The following TP53INP2 variants were observed in gnomAD, a reference collection of about 807,000 sequenced individuals.
TP53INP2 encodes the protein tumor protein p53-inducible nuclear protein 2.
A neutral mutation model predicts 17.1 loss-of-function variants in TP53INP2; 12 were observed. That is an observed-to-expected ratio of 0.70 (90% CI 0.45 to 1.14). The LOEUF (loss-of-function observed/expected upper bound fraction) is 1.14. Among genes scored for constraint, TP53INP2 ranks in the 50% most tolerant of loss-of-function variants. TP53INP2 has a pLI of 0.00. For synonymous variants in TP53INP2, 145 were observed against 147.3 expected, an observed-to-expected ratio of 0.98 and a Z score of 0.12; for missense variants, 342 against 330.9, an observed-to-expected ratio of 1.03 and a Z score of -0.26.
chr20:34,708,709 GGCGCCCCCGTGAGGCGCTTC>G lies in TP53INP2; in HGVS notation c.-28_-9del. ...TTCCCAGGTTTTTGCACTGCCATAG[GGCGCCCCCGTGAGGCGCTTC>G]GCCCCCCACCATGTTCCAGCGCCTC... On this transcript the variant is annotated 5_prime_UTR_variant, in exon 3 of 5. Transcript: ENST00000374810. 1 of 1,554,104 alleles carries G rather than the reference GGCGCCCCCGTGAGGCGCTTC, an allele frequency of 6.4e-7. No homozygotes were observed. Among genetic ancestry groups the G allele is most frequent in the East Asian group, 2.4e-5 (1 of 42,066 alleles).
At position 34,709,508 on chromosome 20, in the gene TP53INP2, G is replaced by T. The variant is rs371384676; in HGVS notation, c.397G>T (p.Gly133Cys). The T allele has an allele frequency of 1.2e-6, 2 of 1,608,454 alleles. No homozygotes were observed. The highest frequency in any genetic ancestry group is 1.7e-6 in the Non-Finnish European group (2 of 1,179,632). Residue 133 changes from glycine to cysteine, a missense_variant, in exon 4 of 5, where the codon GGC becomes TGC. Transcript: ENST00000374810. This position sits in a 1 kb window ranked among gnomAD's most constrained non-coding sequence, Gnocchi z 5.4. The part of the protein sequence containing the change: ...SPLPDAALPD[G>C]DLSEGELTPA... ...GCTCCCGGACGCGGCCCTGCCTGAC[G>T]GCGACCTCAGCGAAGGGTGAGCGGG...
At position 34,710,554 on chromosome 20, in the gene TP53INP2, GC is replaced by G; in HGVS notation, c.*251del. 2 of 368,836 alleles carry G rather than the reference GC, an allele frequency of 5.4e-6. No homozygotes were observed. Among genetic ancestry groups the G allele is most frequent in the Non-Finnish European group, 9.5e-6 (2 of 210,788 alleles). The allele number at this position is 368,836 out of a possible 1,614,324, so 22.8% of individuals were successfully genotyped here. ...TAATCATCCATGCCCCCTACTCCTG[GC>G]CCCTCCATCCTTTCTTCTCTGGTCC... On this transcript the variant is annotated 3_prime_UTR_variant, in exon 5 of 5. Coordinates refer to ENST00000374810, the MANE Select transcript of TP53INP2 (RefSeq NM_021202.3). This position sits in a 1 kb window ranked among gnomAD's most constrained non-coding sequence, Gnocchi z 4.9.
Position 34,710,007 on chromosome 20 carries a change from A to AC in TP53INP2, c.414-45dup, listed in dbSNP as rs541427922. On this transcript the variant is annotated intron_variant, in intron 4 of 4. Coordinates refer to ENST00000374810, the MANE Select transcript of TP53INP2 (RefSeq NM_021202.3). This position sits in a 1 kb window ranked among gnomAD's most constrained non-coding sequence, Gnocchi z 4.9. ...GGTGGGAGATGGCAGCGCCCTCTAG[A>AC]CCCCCCGCCCAGCTTACCCGGCTTG... 3.1e-4 allele frequency: 395 copies of AC among 1,257,148 alleles called. 3 individuals carry two copies. The African/African-American group carries it at 5.3e-3, about 17-fold the overall frequency. The allele number at this position is 1,257,148 out of a possible 1,614,324, so 77.9% of individuals were successfully genotyped here.
In TP53INP2 at chr20:34,710,032, G is replaced by C; in HGVS notation, c.414-26G>C. Reference sequence around the variant, plus strand: ...ACCCCCCGCCCAGCTTACCCGGCTTGACCGAGCCTGGCTCTGTCCTCACAG... The same window carrying C: ...ACCCCCCGCCCAGCTTACCCGGCTTCACCGAGCCTGGCTCTGTCCTCACAG... On this transcript the variant is annotated intron_variant, in intron 4 of 4. Coordinates refer to ENST00000374810, the MANE Select transcript of TP53INP2 (RefSeq NM_021202.3). This position sits in a 1 kb window ranked among gnomAD's most constrained non-coding sequence, Gnocchi z 4.9. 7.8e-7 allele frequency: 1 copy of C among 1,278,074 alleles called. No homozygotes were observed. The highest frequency in any genetic ancestry group is 9.9e-7 in the Non-Finnish European group (1 of 1,009,418). The allele number at this position is 1,278,074 out of a possible 1,614,324, so 79.2% of individuals were successfully genotyped here.
Position 34,711,819 on chromosome 20 carries a change from T to A in TP53INP2, c.*1512T>A, listed in dbSNP as rs1442427103. The A allele has an allele frequency of 6.6e-6, 1 of 152,660 alleles. No individual in the cohort carries two copies. The highest frequency in any genetic ancestry group is 1.5e-5 in the Non-Finnish European group (1 of 68,074). The allele number at this position is 152,660 out of a possible 1,614,324, so 9.5% of individuals were successfully genotyped here. A position where few individuals can be genotyped will look rare whatever the true frequency, so the allele number is the denominator to read the frequency against. On this transcript the variant is annotated 3_prime_UTR_variant, in exon 5 of 5. Transcript: ENST00000374810. The surrounding 1 kb of genome is among the most constrained non-coding windows in gnomAD (Gnocchi z 4.1). ...CCTCTTTCTAGCCGTCCTTTTCTAG[T>A]GTGTGCTCACTCTTCCTAGGAACTT... is the stretch of plus-strand genomic sequence containing the variant.
Position 34,708,561 on chromosome 20 carries a change from C to T in TP53INP2, c.-49-130C>T, listed in dbSNP as rs186494823. On this transcript the variant is annotated intron_variant, in intron 2 of 4. Transcript: ENST00000374810. ...ATGCAGAAAGCACATCTTCCCAAAG[C>T]GTCCGCACACATCCCCGTTGTGTGT... 7.7e-4 allele frequency: 417 copies of T among 541,376 alleles called. 3 individuals carry two copies. The highest frequency in any genetic ancestry group is 7.5e-3 in the African/African-American group (386 of 51,296). The allele number at this position is 541,376 out of a possible 1,614,324, so 33.5% of individuals were successfully genotyped here.
Position 34,710,096 on chromosome 20 carries a change from GC to G in TP53INP2, c.454del (p.His152ThrfsTer33). On this transcript the variant is annotated frameshift_variant, in exon 5 of 5. Transcript: ENST00000374810. LOFTEE classifies it high-confidence loss of function. This position sits in a 1 kb window ranked among gnomAD's most constrained non-coding sequence, Gnocchi z 4.9. The stretch of plus-strand genomic sequence containing the variant: ...GCCCGCCGCGAGCCGCGGGCCGCGC[GC>G]CACGCCGCTCCTCTCCCAGCGCGGG... ...TPARREPRAA[R>X]HAAPLPARAA... The G allele has an allele frequency of 7.8e-7, 1 of 1,275,742 alleles. No individual in the cohort carries two copies. The highest frequency in any genetic ancestry group is 9.9e-7 in the Non-Finnish European group (1 of 1,014,788). 79.0% of individuals were successfully genotyped at this position (1,275,742 alleles called of 1,614,324 possible).
At position 34,710,283 on chromosome 20, in the gene TP53INP2, G is replaced by A; in HGVS notation, c.639G>A (p.Pro213=). 3 of 1,422,036 alleles carry A rather than the reference G, an allele frequency of 2.1e-6. No individual in the cohort carries two copies. Among genetic ancestry groups the A allele is most frequent in the South Asian group, 1.6e-5 (1 of 64,386 alleles). 88.1% of individuals were successfully genotyped at this position (1,422,036 alleles called of 1,614,324 possible). A position where few individuals can be genotyped will look rare whatever the true frequency, so the allele number is the denominator to read the frequency against. ...ACCAGAGCAGCTTCATCTACCAGCC[G>A]TGCCAGCGCCAGTTCAACTACTGAG... is the stretch of plus-strand genomic sequence containing the variant. ...SKNQSSFIYQ[P]CQRQFNY is the part of the protein sequence containing the mutation. The change falls in exon 5 of 5, where the codon CCG becomes CCA. Residue 213 remains proline (P), a synonymous_variant. Coordinates refer to ENST00000374810, the MANE Select transcript of TP53INP2 (RefSeq NM_021202.3). The surrounding 1 kb of genome is among the most constrained non-coding windows in gnomAD (Gnocchi z 4.9).
At position 34,710,324 on chromosome 20, in the gene TP53INP2, CCA is replaced by C; in HGVS notation, c.*19_*20del. On this transcript the variant is annotated 3_prime_UTR_variant, in exon 5 of 5. Coordinates refer to ENST00000374810, the MANE Select transcript of TP53INP2 (RefSeq NM_021202.3). The surrounding 1 kb of genome is among the most constrained non-coding windows in gnomAD (Gnocchi z 4.9). ...AACTACTGAGCGTCCACCGGCCGCGCCACGAACCCCTTGCCGATCCCGATCCC... is the reference window on the plus strand; with the variant it reads ...AACTACTGAGCGTCCACCGGCCGCGCCGAACCCCTTGCCGATCCCGATCCC... 7.4e-7 allele frequency: 1 copy of C among 1,348,328 alleles called. No homozygotes were observed. The highest frequency in any genetic ancestry group is 9.6e-7 in the Non-Finnish European group (1 of 1,038,292). The allele number at this position is 1,348,328 out of a possible 1,614,324, so 83.5% of individuals were successfully genotyped here.
At chr20:34,704,749 G>A (rs144048781) in intron 1 of TP53INP2, 1 of 152,290 alleles carries the variant, frequency 6.6e-6, no homozygotes, top group African/African-American at 2.4e-5. Flanking sequence ...CCCGTGACCC[G>A]GTAGCCGCTG....
In TP53INP2 at chr20:34,710,118, G is replaced by C. The variant is rs1988140386; in HGVS notation, c.474G>C (p.Ala158=). ...RAARHAAPLP[A]RAALLEKAGQ... is the part of the protein sequence containing the mutation. ...CGCGCCACGCCGCTCCTCTCCCAGCGCGGGCGGCGCTGCTGGAGAAGGCGG... is the reference window on the plus strand; with the variant it reads ...CGCGCCACGCCGCTCCTCTCCCAGCCCGGGCGGCGCTGCTGGAGAAGGCGG... Residue 158 remains alanine, a synonymous_variant, in exon 5 of 5, where the codon GCG becomes GCC. Coordinates refer to ENST00000374810, the MANE Select transcript of TP53INP2 (RefSeq NM_021202.3). This position sits in a 1 kb window ranked among gnomAD's most constrained non-coding sequence, Gnocchi z 4.9. 3 of 1,262,314 alleles carry C rather than the reference G, an allele frequency of 2.4e-6. No homozygotes were observed. Among genetic ancestry groups the C allele is most frequent in the Admixed American group, 4.2e-5 (1 of 23,548 alleles). The allele number at this position is 1,262,314 out of a possible 1,614,324, so 78.2% of individuals were successfully genotyped here. A position where few individuals can be genotyped will look rare whatever the true frequency, so the allele number is the denominator to read the frequency against.
chr20:34,709,160 GGTGT>G lies in TP53INP2; in HGVS notation c.125-54_125-51del, dbSNP rs72441151. On this transcript the variant is annotated intron_variant, in intron 3 of 4. Transcript: ENST00000374810. The surrounding 1 kb of genome is among the most constrained non-coding windows in gnomAD (Gnocchi z 5.4). ...CCTTTCTCTCCCCGCCCCCTTGTCC[GGTGT>G]GTGTGTGTGTGTGTGTGTGTGCCTC... 894,443 of 1,357,662 alleles carry G rather than the reference GGTGT, an allele frequency of 0.66. 242,200 individuals are homozygous for G. Among genetic ancestry groups the G allele is most frequent in the Admixed American group, 0.77 (27,585 of 36,054 alleles). 84.1% of individuals were successfully genotyped at this position (1,357,662 alleles called of 1,614,324 possible). A position where few individuals can be genotyped will look rare whatever the true frequency, so the allele number is the denominator to read the frequency against.
At position 34,709,926 on chromosome 20, in the gene TP53INP2, CAAG is replaced by C; in HGVS notation, c.414-128_414-126del. On this transcript the variant is annotated intron_variant, in intron 4 of 4. Coordinates refer to ENST00000374810, the MANE Select transcript of TP53INP2 (RefSeq NM_021202.3). This position sits in a 1 kb window ranked among gnomAD's most constrained non-coding sequence, Gnocchi z 5.4. ...GGAGGCACCTCCGGGTTGGTACCCA[CAAG>C]AAGGGCGTCGGGCACCCCAATCTGA... 8.6e-7 allele frequency: 1 copy of C among 1,161,316 alleles called. No individual in the cohort carries two copies. The allele number at this position is 1,161,316 out of a possible 1,614,324, so 71.9% of individuals were successfully genotyped here. A position where few individuals can be genotyped will look rare whatever the true frequency, so the allele number is the denominator to read the frequency against.
At position 34,713,235 on chromosome 20, in the gene TP53INP2, T is replaced by G. The variant is rs1988257610; in HGVS notation, c.*2928T>G. 1 of 152,662 alleles carries G rather than the reference T, an allele frequency of 6.6e-6. No individual in the cohort carries two copies. Among genetic ancestry groups the G allele is most frequent in the African/African-American group, 2.4e-5 (1 of 41,466 alleles). 9.5% of individuals were successfully genotyped at this position (152,662 alleles called of 1,614,324 possible). On this transcript the variant is annotated 3_prime_UTR_variant, in exon 5 of 5. Coordinates refer to ENST00000374810, the MANE Select transcript of TP53INP2 (RefSeq NM_021202.3). ...TTGAGTGCATCCCTGTTGGGTGTTT[T>G]GTGTTGAGACTGGCTGAAATGAGGA...
rs1988221818 is a variant in TP53INP2 at position 34,712,334 on chromosome 20, T to G, written c.*2027T>G. 6.5e-6 allele frequency: 1 copy of G among 152,704 alleles called. No individual in the cohort carries two copies. Among genetic ancestry groups the G allele is most frequent in the Non-Finnish European group, 1.5e-5 (1 of 68,110 alleles). 9.5% of individuals were successfully genotyped at this position (152,704 alleles called of 1,614,324 possible). ...GGGACCTAGGCTCAGTCCTGTGTGG[T>G]GCCCATGATCCTTCTGGTGGGGGAA... On this transcript the variant is annotated 3_prime_UTR_variant, in exon 5 of 5. Transcript: ENST00000374810.
rs988441284 is a variant in TP53INP2, at chr20:34,712,823, A to G, written c.*2516A>G. ...ATGTCAGTACTACCAGCACTTTGCCAAAACTGTCAGAGGGACCCGTTTCTA... is the reference window on the plus strand; with the variant it reads ...ATGTCAGTACTACCAGCACTTTGCCGAAACTGTCAGAGGGACCCGTTTCTA... On this transcript the variant is annotated 3_prime_UTR_variant, in exon 5 of 5. Coordinates refer to ENST00000374810, the MANE Select transcript of TP53INP2 (RefSeq NM_021202.3). The G allele has an allele frequency of 3.3e-5, 5 of 152,648 alleles. No individual in the cohort carries two copies. Among genetic ancestry groups the G allele is most frequent in the Non-Finnish European group, 2.9e-5 (2 of 68,048 alleles). 9.5% of individuals were successfully genotyped at this position (152,648 alleles called of 1,614,324 possible).
At chr20:34,704,624 C>A (rs1987964893) in intron 1 of TP53INP2, 112 bp downstream of exon 1, 1 of 152,286 alleles carries the variant, frequency 6.6e-6, no homozygotes, top group Non-Finnish European at 1.5e-5. Flanking sequence ...GCCGCGTTCC[C>A]GGCTCCCGAT....
rs1018070958 is a variant in TP53INP2 at position 34,709,908 on chromosome 20, C to G, written c.414-150C>G. On this transcript the variant is annotated intron_variant, in intron 4 of 4. Coordinates refer to ENST00000374810, the MANE Select transcript of TP53INP2 (RefSeq NM_021202.3). The surrounding 1 kb of genome is among the most constrained non-coding windows in gnomAD (Gnocchi z 5.4). ...GTTAAGGGCTAGAACCGAGGAGGCA[C>G]CTCCGGGTTGGTACCCACAAGAAGG... 3 of 1,048,184 alleles carry G rather than the reference C, an allele frequency of 2.9e-6. No homozygotes were observed. The African/African-American group carries it at 5.0e-5, about 17-fold the overall frequency. The allele number at this position is 1,048,184 out of a possible 1,614,324, so 64.9% of individuals were successfully genotyped here.
Position 34,709,232 on chromosome 20 carries a change from G to C in TP53INP2, c.125-4G>C, listed in dbSNP as rs1038289862. 2 of 1,552,664 alleles carry C rather than the reference G, an allele frequency of 1.3e-6. No homozygotes were observed. The highest frequency in any genetic ancestry group is 4.8e-5 in the East Asian group (2 of 41,282). ...CTGCACGGCTCCCATCCCGCGCCCC[G>C]TAGACAGCTACGCGGCTCCACCCAG... On this transcript the variant is annotated splice_polypyrimidine_tract_variant and splice_region_variant and intron_variant, in intron 3 of 4. Coordinates refer to ENST00000374810, the MANE Select transcript of TP53INP2 (RefSeq NM_021202.3). The surrounding 1 kb of genome is among the most constrained non-coding windows in gnomAD (Gnocchi z 5.4).
Sources: allele counts gnomAD v4.1 joint callset, GRCh38; gene constraint gnomAD v4.1.1; non-coding constraint Gnocchi (gnomAD v3.1); transcripts MANE v1.5; gene names NCBI Gene and HGNC (gene_info 2026-07-23, HGNC 2026-07-21).